The following MAP1S variants were observed in gnomAD, a reference collection of about 807,000 sequenced individuals.
The protein encoded by MAP1S is microtubule-associated protein 1S.
In MAP1S, 27 loss-of-function variants were observed where a neutral mutation model predicts 60.9. The ratio of observed to expected loss-of-function variants is 0.44; its 90% CI spans 0.33 to 0.61. MAP1S has a LOEUF of 0.61. Ranked by LOEUF, MAP1S falls within the 20% of genes least tolerant of loss-of-function variation. The pLI is 0.03. For missense variants in MAP1S, 1,608 were observed against 1,486.6 expected (o/e 1.08, Z -1.34); for synonymous variants, 826 against 694.2 (o/e 1.19, Z -2.98).
At chr19:17,720,396 C>T (rs1463966827) in intron 1 of MAP1S, 8 of 1,534,722 alleles carry the variant, frequency 5.2e-6, no homozygotes, top group Middle Eastern at 1.7e-4. Context: ...GGGATATGGC[C>T]GGGATGATAG....
chr19:17,723,667 G>A (rs139895765), intron 2 of MAP1S, among the ~76,000 whole-genome samples: 2,082 of 152,204 alleles, frequency 0.014, 20 homozygotes, highest in Non-Finnish European at 0.022. Context: ...TGGCTTACAC[G>A]GTGAAACCCT....
chr19:17,720,468 T>G (rs2080360620), intron 1 of MAP1S: 1 of 1,529,482 alleles, frequency 6.5e-7, no homozygotes, highest in Non-Finnish European at 8.7e-7. Context: ...AGTGAGGAGA[T>G]GGAACAAGCT....
Position 17,728,166 on chromosome 19 carries a change from C to T in MAP1S, c.2782C>T (p.Pro928Ser), listed in dbSNP as rs897274079. The change falls in exon 5 of 7, where the codon CCG (proline) becomes TCG (serine). Residue 928 changes from proline (P) to serine (S), a missense_variant. Pro to Ser is a moderately conservative substitution (Grantham distance 74). This residue lies in a region of MAP1S where 1,167 missense variants were observed against 961.4 expected (regional missense o/e 1.21). Transcript: ENST00000324096. Reference sequence around the variant, plus strand: ...AACCCCCAAGACTGCCACTCGAGGCCCGTCGGGTGAGTACTGGAGCTGGGG... The same window carrying T: ...AACCCCCAAGACTGCCACTCGAGGCTCGTCGGGTGAGTACTGGAGCTGGGG... ...SSTPKTATRGPSGSASSRPGV... is the reference protein window; with the variant it reads ...SSTPKTATRGSSGSASSRPGV... 6.9e-6 allele frequency: 11 copies of T among 1,586,832 alleles called. No individual in the cohort carries two copies. The African/African-American group carries it at 1.5e-4, about 21-fold the overall frequency.
At position 17,729,210 on chromosome 19, in the gene MAP1S, G is replaced by C. The variant is rs572892927; in HGVS notation, c.2788+1038G>C. Among the ~76,000 whole-genome samples, 3 of 152,322 alleles carry C rather than the reference G, an allele frequency of 2.0e-5. No individual in the cohort carries two copies. The South Asian group carries it at 6.2e-4, about 32-fold the overall frequency. On this transcript the variant is annotated intron_variant, in intron 5 of 6. Coordinates refer to ENST00000324096, the MANE Select transcript of MAP1S (RefSeq NM_018174.6). ...TCTCCCAGTGGGGCTGCACACCACA[G>C]GCTTCATTTCTCCAGTAGCAAGTTG...
Position 17,725,718 on chromosome 19 carries a change from C to G in MAP1S, c.445-111C>G. On this transcript the variant is annotated intron_variant, in intron 4 of 6. Coordinates refer to ENST00000324096, the MANE Select transcript of MAP1S (RefSeq NM_018174.6). This position sits in a 1 kb window ranked among gnomAD's most constrained non-coding sequence, Gnocchi z 4.2. ...GAGGGTTGGGTTTTGGCGGGAGGGC[C>G]CTGAGGAGCAGGCCCTGGGGGAAAG... The G allele has an allele frequency of 9.0e-7, 1 of 1,115,530 alleles. No individual in the cohort carries two copies. The highest frequency in any genetic ancestry group is 1.3e-6 in the Non-Finnish European group (1 of 794,428). The allele number at this position is 1,115,530 out of a possible 1,614,324, so 69.1% of individuals were successfully genotyped here. A position where few individuals can be genotyped will look rare whatever the true frequency, so the allele number is the denominator to read the frequency against.
chr19:17,720,250 C>T, intron 1 of MAP1S: 1 of 1,393,694 alleles, frequency 7.2e-7, no homozygotes, highest in South Asian at 1.6e-5. Flanking sequence ...GGGTGTTCAT[C>T]CCCCATCCCT....
Position 17,726,592 on chromosome 19 carries a change from C to T in MAP1S, c.1208C>T (p.Ala403Val). Residue 403 changes from alanine (A) to valine (V), a missense_variant, in exon 5 of 7, where the codon GCC (alanine) becomes GTC (valine). Coordinates refer to ENST00000324096, the MANE Select transcript of MAP1S (RefSeq NM_018174.6). ...LDMYVLHPPS[A>V]GAERTLASVC... ...ATGTATGTGCTGCACCCGCCCTCCG[C>T]CGGCGCCGAGCGCACGCTGGCCTCT... 6.4e-7 allele frequency: 1 copy of T among 1,573,332 alleles called. No individual in the cohort carries two copies. The highest frequency in any genetic ancestry group is 8.6e-7 in the Non-Finnish European group (1 of 1,164,466).
At chr19:17,732,548 G>C (rs1476026472) in intron 5 of MAP1S, among the ~76,000 whole-genome samples, 1 of 152,180 alleles carries the variant, frequency 6.6e-6, no homozygotes, top group Non-Finnish European at 1.5e-5. Context: ...CAGTGATCTT[G>C]GGCCCGCCTC....
chr19:17,720,912 G>A (rs1454645413), intron 1 of MAP1S, 24 bp from the exon 2 acceptor site: 4 of 1,593,012 alleles, frequency 2.5e-6, no homozygotes, highest in African/African-American at 2.7e-5. Flanking sequence ...CTGAACTCCC[G>A]CCTTGATCCC....
Position 17,727,775 on chromosome 19 carries a change from G to T in MAP1S, c.2391G>T (p.Ser797=), listed in dbSNP as rs1188321238. The T allele has an allele frequency of 1.9e-6, 3 of 1,610,930 alleles. No homozygotes were observed. The highest frequency in any genetic ancestry group is 2.5e-6 in the Non-Finnish European group (3 of 1,178,736). Residue 797 remains serine (S), a synonymous_variant, in exon 5 of 7, where the codon TCG becomes TCT. Transcript: ENST00000324096. The surrounding 1 kb of genome is among the most constrained non-coding windows in gnomAD (Gnocchi z 4.1). ...VSESLPTLSD[S]DPVPLAPGAA... ...AGTCCCTGCCCACCCTGTCTGACTC[G>T]GATCCCGTGCCCCTGGCCCCCGGTG...
chr19:17,719,525 G>A lies in MAP1S; in HGVS notation c.23G>A (p.Gly8Glu). 1 of 1,245,972 alleles carries A rather than the reference G, an allele frequency of 8.0e-7. No homozygotes were observed. The highest frequency in any genetic ancestry group is 1.0e-6 in the Non-Finnish European group (1 of 987,642). 77.2% of individuals were successfully genotyped at this position (1,245,972 alleles called of 1,614,324 possible). A position where few individuals can be genotyped will look rare whatever the true frequency, so the allele number is the denominator to read the frequency against. Residue 8 changes from glycine (G) to glutamate (E), a missense_variant, in exon 1 of 7, where the codon GGG (glycine) becomes GAG (glutamate). Gly to Glu is a moderately conservative substitution (Grantham distance 98). Around this residue, in one of 4 missense-constraint regions of MAP1S, gnomAD observed 45 missense variants for 22.0 expected, o/e 2.04. Transcript: ENST00000324096. The stretch of plus-strand genomic sequence containing the variant: ...AAGATGGCGGCGGTGGCTGGATCTG[G>A]GGCTGCCGCGGCTCCGAGCTCACTG... The part of the protein sequence containing the change: MAAVAGS[G>E]AAAAPSSLLL...
rs1568292602 is a variant in MAP1S, at chr19:17,726,618, G to C, written c.1234G>C (p.Val412Leu). ...CGGCGCCGAGCGCACGCTGGCCTCT[G>C]TGTGCGCCCTGCTGGTGTGGCACCC... ...SAGAERTLAS[V>L]CALLVWHPAG... Residue 412 changes from valine (V) to leucine (L), a missense_variant, in exon 5 of 7, where the codon GTG becomes CTG. Physicochemically the swap from Val to Leu is conservative, Grantham distance 32. This residue lies in a region of MAP1S where 1,167 missense variants were observed against 961.4 expected (regional missense o/e 1.21). Transcript: ENST00000324096. 2 of 1,572,018 alleles carry C rather than the reference G, an allele frequency of 1.3e-6. No individual in the cohort carries two copies. Among genetic ancestry groups the C allele is most frequent in the South Asian group, 1.1e-5 (1 of 87,066 alleles).
Position 17,719,640 on chromosome 19 carries a change from C to A in MAP1S, c.118+20C>A. On this transcript the variant is annotated intron_variant, in intron 1 of 6. Transcript: ENST00000324096. The stretch of plus-strand genomic sequence containing the variant: ...AAAGAGGTCGGGCTGGCCTGGGGGC[C>A]CGCGGGAGCCCGGGAGGCGGGCCCG... 7.4e-6 allele frequency: 9 copies of A among 1,212,476 alleles called. No individual in the cohort carries two copies. The highest frequency in any genetic ancestry group is 9.3e-6 in the Non-Finnish European group (9 of 963,236). 75.1% of individuals were successfully genotyped at this position (1,212,476 alleles called of 1,614,324 possible).
chr19:17,730,471 G>A (rs571244498), intron 5 of MAP1S, among the ~76,000 whole-genome samples: 9 of 152,108 alleles, frequency 5.9e-5, no homozygotes, highest in South Asian at 2.1e-4. Flanking sequence ...GCATGCCATC[G>A]TGCCTGGCCA....
Position 17,727,481 on chromosome 19 carries a change from G to C in MAP1S, c.2097G>C (p.Ser699=), listed in dbSNP as rs555559872. 1.1e-4 allele frequency: 174 copies of C among 1,610,122 alleles called. 1 individual carries two copies. The South Asian group carries it at 1.8e-3, about 17-fold the overall frequency. The part of the protein sequence containing the change: ...PHSTEVDESL[S]VSFEQVLPPS... ...CGACCGAGGTGGACGAGTCCCTGTCGGTGTCCTTTGAGCAGGTGCTGCCGC... is the reference window on the plus strand; with the variant it reads ...CGACCGAGGTGGACGAGTCCCTGTCCGTGTCCTTTGAGCAGGTGCTGCCGC... The change falls in exon 5 of 7, where the codon TCG becomes TCC. Residue 699 remains serine (S), a synonymous_variant. Transcript: ENST00000324096. The surrounding 1 kb of genome is among the most constrained non-coding windows in gnomAD (Gnocchi z 4.1).
At position 17,727,485 on chromosome 19, in the gene MAP1S, T is replaced by C. The variant is rs2080447323; in HGVS notation, c.2101T>C (p.Ser701Pro). ...STEVDESLSV[S>P]FEQVLPPSAP... ...CGAGGTGGACGAGTCCCTGTCGGTG[T>C]CCTTTGAGCAGGTGCTGCCGCCATC... The change falls in exon 5 of 7, where the codon TCC becomes CCC. Residue 701 changes from serine to proline, a missense_variant. Physicochemically the swap from Ser to Pro is moderately conservative, Grantham distance 74. Transcript: ENST00000324096. The surrounding 1 kb of genome is among the most constrained non-coding windows in gnomAD (Gnocchi z 4.1). The C allele has an allele frequency of 6.2e-7, 1 of 1,610,710 alleles. No homozygotes were observed. The highest frequency in any genetic ancestry group is 8.5e-7 in the Non-Finnish European group (1 of 1,179,010).
intron 2 of MAP1S, among the ~76,000 whole-genome samples, chr19:17,721,767 G>C (rs549571895): frequency 6.6e-6 from 1 of 152,156 alleles, no homozygotes; most frequent in Admixed American, 6.6e-5. Context: ...TTGCAGGAAG[G>C]GACTGATACT....
intron 5 of MAP1S, among the ~76,000 whole-genome samples, chr19:17,730,722 T>C (rs2080485555): frequency 1.3e-5 from 2 of 152,182 alleles, no homozygotes; most frequent in African/African-American, 4.8e-5. Flanking sequence ...TTGCAAATAT[T>C]TCCTCCCATT....
At chr19:17,734,162 G>C in intron 6 of MAP1S, 111 bp from the exon 7 acceptor site, 1 of 842,590 alleles carries the variant, frequency 1.2e-6, no homozygotes, top group Non-Finnish European at 1.9e-6. Context: ...AAAGCCAGGA[G>C]GGGTCTCAAA....
Sources: allele counts gnomAD v4.1 joint callset (sites outside exome capture counted in the v4.1 genomes callset), GRCh38; gene constraint gnomAD v4.1.1; regional missense constraint gnomAD v4.1.1; non-coding constraint Gnocchi (gnomAD v3.1); transcripts MANE v1.5; gene names NCBI Gene and HGNC (gene_info 2026-07-23, HGNC 2026-07-21).